CREM: variants seen among roughly 807,000 people sequenced by gnomAD.
CREM encodes cAMP responsive element modulator.
In CREM, 13 loss-of-function variants were observed where a neutral mutation model predicts 37.3. The observed-to-expected ratio is 0.35, with a 90% CI of 0.23 to 0.55. The LOEUF (loss-of-function observed/expected upper bound fraction) is 0.55. Among genes scored for constraint, CREM ranks in the 20% least tolerant of loss-of-function variants. The probability of loss-of-function intolerance (pLI) is 0.88; values close to 1 mark genes in which losing one functional copy is unlikely to be tolerated. For missense variants in CREM, 296 were observed against 362.3 expected (o/e 0.82, Z 1.49); for synonymous variants, 124 against 120.2 (o/e 1.03, Z -0.21).
chr10:35,196,123 G>A lies in CREM; in HGVS notation c.598+7735G>A, dbSNP rs564535463. Reference sequence around the variant, plus strand: ...TGGTAAGATCGAGCCTCCTACTGAGGCCGTCCCTGCATGCGCCTGGTGAGA... The same window carrying A: ...TGGTAAGATCGAGCCTCCTACTGAGACCGTCCCTGCATGCGCCTGGTGAGA... On this transcript the variant is annotated intron_variant, in intron 6 of 7. Transcript: ENST00000685392. The A allele has an allele frequency of 2.5e-6, 4 of 1,613,672 alleles. No homozygotes were observed. In the East Asian group the frequency reaches 8.9e-5, roughly 36 times the overall value.
chr10:35,182,685 A>G (rs1312549612), intron 5 of CREM, among the ~76,000 whole-genome samples: 1 of 152,216 alleles, frequency 6.6e-6, no homozygotes, highest in Admixed American at 6.5e-5. Context: ...TATTATCACA[A>G]AAACTAAAAA....
chr10:35,158,108 G>A (rs2093029783), intron 3 of CREM, among the ~76,000 whole-genome samples: 1 of 152,172 alleles, frequency 6.6e-6, no homozygotes, highest in South Asian at 2.1e-4. Flanking sequence ...AATGTTCATG[G>A]ATTGGAAGAA....
intron 3 of CREM, among the ~76,000 whole-genome samples, chr10:35,152,089 C>T (rs2092636472): frequency 6.6e-6 from 1 of 152,140 alleles, no homozygotes; most frequent in Non-Finnish European, 1.5e-5. Context: ...TTGTAAATTT[C>T]CATATGTTTT....
chr10:35,137,683 C>A, intron 1 of CREM, 99 bp from the exon 2 acceptor site: 2 of 458,710 alleles, frequency 4.4e-6, no homozygotes, highest in East Asian at 8.6e-5. Context: ...TTCTTCCTGG[C>A]CTTGTTTTGA....
chr10:35,147,055 T>G (rs868229772), intron 2 of CREM, among the ~76,000 whole-genome samples: 3,684 of 145,888 alleles, frequency 0.025, 171 homozygotes, highest in African/African-American at 0.089. Flanking sequence ...TTTTTTTTTT[T>G]TTTTTTTTTT....
intron 6 of CREM, among the ~76,000 whole-genome samples, chr10:35,205,289 T>G (rs2095493804): frequency 6.6e-6 from 1 of 152,268 alleles, no homozygotes; most frequent in African/African-American, 2.4e-5. Flanking sequence ...CGCTGTATTT[T>G]AACTGTATGA....
intron 3 of CREM, among the ~76,000 whole-genome samples, chr10:35,159,620 T>A (rs542308117): frequency 6.6e-6 from 1 of 152,288 alleles, no homozygotes; most frequent in South Asian, 2.1e-4. Context: ...ATGAAACTAC[T>A]ACAAGGAAAC....
chr10:35,199,972 C>T (rs2095335708), intron 6 of CREM, among the ~76,000 whole-genome samples: 1 of 148,740 alleles, frequency 6.7e-6, no homozygotes, highest in African/African-American at 2.5e-5. Flanking sequence ...TCACTGCAAC[C>T]TCTGCCTCCC....
intron 1 of CREM, among the ~76,000 whole-genome samples, chr10:35,131,425 C>G (rs988148806): frequency 2.6e-5 from 4 of 151,956 alleles, no homozygotes; most frequent in Non-Finnish European, 5.9e-5. Context: ...TATTCTTAAT[C>G]TCAATTTTTT....
chr10:35,206,137 A>G (rs1206093702), intron 6 of CREM, among the ~76,000 whole-genome samples: 2 of 151,700 alleles, frequency 1.3e-5, no homozygotes, highest in Non-Finnish European at 2.9e-5. Flanking sequence ...AGTCCCAGCT[A>G]CTCGGGAGGC....
At chr10:35,165,864 C>T (rs947020774) in intron 3 of CREM, among the ~76,000 whole-genome samples, 1 of 151,362 alleles carries the variant, frequency 6.6e-6, no homozygotes, top group African/African-American at 2.4e-5. Context: ...GATAAAGAAC[C>T]CTAATTTTAA....
chr10:35,210,096 CAT>C (rs1398571208), intron 7 of CREM, among the ~76,000 whole-genome samples: 2 of 151,514 alleles, frequency 1.3e-5, no homozygotes, highest in East Asian at 3.9e-4. Flanking sequence ...GTATACATCA[CAT>C]GTGGTTCAGG....
At chr10:35,187,506 T>C (rs12780255) in intron 5 of CREM, among the ~76,000 whole-genome samples, 20,523 of 151,358 alleles carry the variant, frequency 0.14, 1,580 homozygotes, top group South Asian at 0.2. Flanking sequence ...GTGATCTGCC[T>C]ACCTTGGCCT....
intron 1 of CREM, among the ~76,000 whole-genome samples, chr10:35,137,197 TAAAG>T (rs59614289): frequency 0.027 from 4,084 of 152,260 alleles, 175 homozygotes; most frequent in African/African-American, 0.09. Flanking sequence ...TAGTAAAAAA[TAAAG>T]AGAGTTTAAT....
rs142832693 is a variant in CREM at position 35,203,191 on chromosome 10, G to A, written c.599-3704G>A. 2.0e-3 allele frequency among the ~76,000 whole-genome samples: 303 copies of A among 151,870 alleles called. 1 individual carries two copies. The highest frequency in any genetic ancestry group is 0.011 in the South Asian group (51 of 4,818). On this transcript the variant is annotated intron_variant, in intron 6 of 7. Transcript: ENST00000685392. ...CACCTAAGGCTCTGGAACCACAGAC[G>A]CACGCCACCACACCTGGTTAATTTT...
chr10:35,200,003 C>T (rs2095337121), intron 6 of CREM, among the ~76,000 whole-genome samples: 1 of 151,020 alleles, frequency 6.6e-6, no homozygotes. Context: ...GATTCACCTG[C>T]CTCAGCCTCC....
chr10:35,207,325 C>T (rs1055004089), intron 7 of CREM, among the ~76,000 whole-genome samples: 21 of 151,952 alleles, frequency 1.4e-4, no homozygotes, highest in East Asian at 7.7e-4. Flanking sequence ...ACCTGGGAGG[C>T]GGAGGTTGCA....
chr10:35,159,556 C>CA (rs2093160705), intron 3 of CREM, among the ~76,000 whole-genome samples: 1 of 152,252 alleles, frequency 6.6e-6, no homozygotes. Context: ...CCTTGTCTCT[C>CA]ACCATAAACA....
intron 3 of CREM, among the ~76,000 whole-genome samples, chr10:35,156,287 C>T (rs2092911122): frequency 6.7e-6 from 1 of 149,274 alleles, no homozygotes; most frequent in Admixed American, 6.7e-5. Context: ...CTCACTCTGT[C>T]ACCCAGGCTG....
Sources: allele counts gnomAD v4.1 joint callset (sites outside exome capture counted in the v4.1 genomes callset), GRCh38; gene constraint gnomAD v4.1.1; transcripts MANE v1.5; gene names NCBI Gene and HGNC (gene_info 2026-07-23, HGNC 2026-07-21).